The following ADARB2 variants were observed in gnomAD, a reference collection of about 807,000 sequenced individuals.
ADARB2 encodes the protein inactive double-stranded RNA-specific editase B2.
A neutral mutation model predicts 62.2 loss-of-function variants in ADARB2; 25 were observed. The observed-to-expected ratio is 0.40, with a 90% CI of 0.29 to 0.56. The LOEUF is 0.56. ADARB2 is among the 20% of genes least tolerant of loss of function. The probability of loss-of-function intolerance (pLI) is 0.43; values close to 1 mark genes in which losing one functional copy is unlikely to be tolerated. For synonymous variants in ADARB2, 572 were observed against 500.8 expected, an observed-to-expected ratio of 1.14 and a Z score of -1.90; for missense variants, 1,071 against 1,077.4, an observed-to-expected ratio of 0.99 and a Z score of 0.08.
intron 1 of ADARB2, among the ~76,000 whole-genome samples, chr10:1,562,463 G>A (rs981810772): frequency 3.3e-5 from 5 of 152,206 alleles, no homozygotes; most frequent in Admixed American, 2.0e-4. Flanking sequence ...CTCCTCAAGT[G>A]TCAGACAACA....
chr10:1,263,474 T>C lies in ADARB2; in HGVS notation c.1192+7481A>G, dbSNP rs185650031. Among the ~76,000 whole-genome samples, 33 of 152,204 alleles carry C rather than the reference T, an allele frequency of 2.2e-4. No individual in the cohort carries two copies. The East Asian group carries it at 5.2e-3, about 24-fold the overall frequency. On this transcript the variant is annotated intron_variant, in intron 4 of 9. Transcript: ENST00000381312. ...AGAGACCAGAATAAAATGAGTTTAG[T>C]TGTGTTGCTTTGAGATATAATATGG...
At chr10:1,272,292 C>T (rs557072059) in intron 3 of ADARB2, among the ~76,000 whole-genome samples, 173 of 152,304 alleles carry the variant, frequency 1.1e-3, no homozygotes, top group African/African-American at 4.0e-3. Context: ...ACATTTCCAC[C>T]GGGCGTGTGT....
At chr10:1,248,371 G>A (rs897504682) in intron 4 of ADARB2, among the ~76,000 whole-genome samples, 3 of 151,368 alleles carry the variant, frequency 2.0e-5, no homozygotes, top group Non-Finnish European at 4.4e-5. Context: ...ACTCACAGGC[G>A]TGCAGGAGGT....
chr10:1,242,873 T>C (rs1830940991), intron 4 of ADARB2, among the ~76,000 whole-genome samples: 1 of 152,170 alleles, frequency 6.6e-6, no homozygotes, highest in African/African-American at 2.4e-5. Flanking sequence ...AAAATGATAC[T>C]CTCTTCAGGG....
At chr10:1,454,125 CA>C (rs1333913165) in intron 1 of ADARB2, among the ~76,000 whole-genome samples, 1 of 152,152 alleles carries the variant, frequency 6.6e-6, no homozygotes, top group African/African-American at 2.4e-5. Flanking sequence ...GGAGCAAAGT[CA>C]CATCTTACAT....
At chr10:1,483,699 G>A (rs1831504170) in intron 1 of ADARB2, among the ~76,000 whole-genome samples, 2 of 64,882 alleles carry the variant, frequency 3.1e-5, no homozygotes, top group Admixed American at 1.1e-4. Context: ...TGAAAATGAC[G>A]AAGCAACTAA....
chr10:1,382,273 T>C (rs961366530), intron 1 of ADARB2, among the ~76,000 whole-genome samples: 7 of 152,224 alleles, frequency 4.6e-5, no homozygotes, highest in Admixed American at 2.6e-4. Context: ...TCAGATTTCA[T>C]GGGACAGCTT....
intron 1 of ADARB2, among the ~76,000 whole-genome samples, chr10:1,705,663 T>C (rs1422521746): frequency 6.6e-6 from 1 of 152,242 alleles, no homozygotes; most frequent in Non-Finnish European, 1.5e-5. Context: ...AATCTATTTA[T>C]TCCCATCATT....
At chr10:1,618,069 C>T (rs1045033876) in intron 1 of ADARB2, among the ~76,000 whole-genome samples, 13 of 152,168 alleles carry the variant, frequency 8.5e-5, no homozygotes, top group African/African-American at 2.9e-4. Flanking sequence ...AGACGACTTC[C>T]TTTATTAAAT....
chr10:1,514,249 A>G (rs1234721070), intron 1 of ADARB2, among the ~76,000 whole-genome samples: 2 of 147,138 alleles, frequency 1.4e-5, no homozygotes, highest in African/African-American at 5.0e-5. Flanking sequence ...TATACTTGAT[A>G]TTGCTGATAC....
chr10:1,671,857 C>T (rs774348139), intron 1 of ADARB2, among the ~76,000 whole-genome samples: 19 of 152,150 alleles, frequency 1.2e-4, no homozygotes, highest in Admixed American at 3.3e-4. Flanking sequence ...AAGGAGACGT[C>T]GCTGCTTCCC....
chr10:1,705,988 T>A lies in ADARB2; in HGVS notation c.100+31063A>T, dbSNP rs554505118. Among the ~76,000 whole-genome samples the A allele has an allele frequency of 4.6e-5, 7 of 152,366 alleles. No individual in the cohort carries two copies. The East Asian group carries it at 1.4e-3, about 29-fold the overall frequency. On this transcript the variant is annotated intron_variant, in intron 1 of 9. Transcript: ENST00000381312. ...TTTTAAATTTATGTTTACCATTTTATCTTCTTGTTTTTTGTTCTTTAGCTG... is the reference window on the plus strand; with the variant it reads ...TTTTAAATTTATGTTTACCATTTTAACTTCTTGTTTTTTGTTCTTTAGCTG...
chr10:1,303,457 G>A lies in ADARB2; in HGVS notation c.1078-32388C>T, dbSNP rs1831594503. Among the ~76,000 whole-genome samples, 5 of 152,140 alleles carry A rather than the reference G, an allele frequency of 3.3e-5. No homozygotes were observed. The South Asian group carries it at 8.3e-4, about 25-fold the overall frequency. Reference sequence around the variant, plus strand: ...GAACCAAGTTGGAAAACACTCTGCAGGATATTATCCAGGAGAATTTCCCCA... The same window carrying A: ...GAACCAAGTTGGAAAACACTCTGCAAGATATTATCCAGGAGAATTTCCCCA... On this transcript the variant is annotated intron_variant, in intron 3 of 9. Coordinates refer to ENST00000381312, the MANE Select transcript of ADARB2 (RefSeq NM_018702.4).
intron 2 of ADARB2, among the ~76,000 whole-genome samples, chr10:1,378,464 A>G (rs552311356): frequency 6.6e-6 from 1 of 152,338 alleles, no homozygotes; most frequent in African/African-American, 2.4e-5. Flanking sequence ...TCTTGGAATA[A>G]TTTCTCAGTC....
intron 1 of ADARB2, among the ~76,000 whole-genome samples, chr10:1,701,801 A>C (rs111327972): frequency 2.2e-5 from 1 of 46,410 alleles, no homozygotes; most frequent in Non-Finnish European, 4.6e-5. Flanking sequence ...GAGACCGGGC[A>C]CTCGCCAATA....
intron 3 of ADARB2, among the ~76,000 whole-genome samples, chr10:1,288,726 AGCAG>A (rs1399353535): frequency 6.6e-6 from 1 of 152,208 alleles, no homozygotes. Flanking sequence ...AAACTCCTGG[AGCAG>A]GCAGGCAGCC....
chr10:1,416,434 C>G (rs1832802332), intron 1 of ADARB2, among the ~76,000 whole-genome samples: 1 of 152,236 alleles, frequency 6.6e-6, no homozygotes. Context: ...CTCTAACCTA[C>G]TCTGGGGTCC....
chr10:1,290,675 T>C (rs1261533214), intron 3 of ADARB2: 2 of 152,234 alleles, frequency 1.3e-5, no homozygotes, highest in Non-Finnish European at 2.9e-5. Flanking sequence ...GGGTTGACGG[T>C]TGTGTGTGCT....
intron 1 of ADARB2, among the ~76,000 whole-genome samples, chr10:1,617,907 T>G (rs548680377): frequency 6.6e-6 from 1 of 152,238 alleles, no homozygotes; most frequent in Admixed American, 6.5e-5. Context: ...GTGTTTCTCT[T>G]AAGCTCAAAA....
Sources: allele counts gnomAD v4.1 joint callset (sites outside exome capture counted in the v4.1 genomes callset), GRCh38; gene constraint gnomAD v4.1.1; transcripts MANE v1.5; gene names NCBI Gene and HGNC (gene_info 2026-07-23, HGNC 2026-07-21).